The following KDM4C variants were observed in gnomAD, a reference collection of about 807,000 sequenced individuals.
KDM4C encodes the protein lysine demethylase 4C.
A neutral mutation model predicts 129.3 loss-of-function variants in KDM4C; 81 were observed. That is an observed-to-expected ratio of 0.63 (90% CI 0.52 to 0.75). The LOEUF (loss-of-function observed/expected upper bound fraction) is 0.75. Among genes scored for constraint, KDM4C ranks in the 30% least tolerant of loss-of-function variants. The pLI is 0.00. For missense variants in KDM4C, 1,457 were observed against 1,304.0 expected (o/e 1.12, Z -1.81); for synonymous variants, 573 against 456.1 (o/e 1.26, Z -3.26).
At position 6,793,856 on chromosome 9, in the gene KDM4C, A is replaced by G. The variant is rs545591976; in HGVS notation, c.144+724A>G. Reference sequence around the variant, plus strand: ...CTGTGCCCGGCCTCTTTTTTTTTATATAACACTTATTGATATATTTTATCA... The same window carrying G: ...CTGTGCCCGGCCTCTTTTTTTTTATGTAACACTTATTGATATATTTTATCA... On this transcript the variant is annotated intron_variant, in intron 2 of 21. Coordinates refer to ENST00000381309, the MANE Select transcript of KDM4C (RefSeq NM_015061.6). 1.7e-3 allele frequency among the ~76,000 whole-genome samples: 254 copies of G among 152,042 alleles called. 2 individuals carry two copies. Among genetic ancestry groups the G allele is most frequent in the African/African-American group, 5.2e-3 (216 of 41,472 alleles).
At chr9:7,075,733 C>T (rs968876689) in intron 17 of KDM4C, among the ~76,000 whole-genome samples, 1 of 152,070 alleles carries the variant, frequency 6.6e-6, no homozygotes, top group Non-Finnish European at 1.5e-5. Flanking sequence ...AGCAACACTG[C>T]TTATCAGGAA....
chr9:7,168,183 C>T (rs916475035), intron 20 of KDM4C, among the ~76,000 whole-genome samples: 3 of 151,842 alleles, frequency 2.0e-5, no homozygotes, highest in South Asian at 2.1e-4. Context: ...AGCGAAACTC[C>T]GTCTCAAGAG....
Position 6,991,023 on chromosome 9 carries a change from C to T in KDM4C, c.1786+499C>T, listed in dbSNP as rs950635876. Among the ~76,000 whole-genome samples, 6 of 152,076 alleles carry T rather than the reference C, an allele frequency of 3.9e-5. No homozygotes were observed. In the South Asian group the frequency reaches 6.2e-4, roughly 16 times the overall value. ...ATCGCTGTGATGCAGCTGGATGTAA[C>T]GCAGTTTCATTTACAATCATTTACC... is the stretch of plus-strand genomic sequence containing the variant. On this transcript the variant is annotated intron_variant, in intron 12 of 21. Transcript: ENST00000381309.
rs191402295 is a variant in KDM4C, at chr9:6,950,473, A to G, written c.922-30452A>G. Among the ~76,000 whole-genome samples, 4 of 152,242 alleles carry G rather than the reference A, an allele frequency of 2.6e-5. No individual in the cohort carries two copies. In the East Asian group the frequency reaches 7.7e-4, roughly 29 times the overall value. ...AGATTTTAGAGTGTTGATAGATTTG[A>G]GGGGAAGTATTTATGTGAAAACCTG... On this transcript the variant is annotated intron_variant, in intron 8 of 21. Coordinates refer to ENST00000381309, the MANE Select transcript of KDM4C (RefSeq NM_015061.6).
intron 4 of KDM4C, among the ~76,000 whole-genome samples, chr9:6,847,988 G>T (rs1265343186): frequency 6.6e-6 from 1 of 152,220 alleles, no homozygotes; most frequent in Non-Finnish European, 1.5e-5. Flanking sequence ...AGAAGTGGTT[G>T]TATGTGAAGC....
At chr9:6,726,564 C>T (rs1298665212) in intron 1 of KDM4C, 1 of 152,388 alleles carries the variant, frequency 6.6e-6, no homozygotes, top group Non-Finnish European at 1.5e-5. Context: ...CCTTCCTCCG[C>T]TTCTCTTTGG....
chr9:6,904,585 C>T (rs1281970591), intron 8 of KDM4C, among the ~76,000 whole-genome samples: 2 of 152,082 alleles, frequency 1.3e-5, no homozygotes, highest in Non-Finnish European at 2.9e-5. Context: ...CGGGTCCAGT[C>T]TTGTCTTTGT....
At chr9:7,140,811 A>G (rs1247278546) in intron 19 of KDM4C, among the ~76,000 whole-genome samples, 5 of 152,266 alleles carry the variant, frequency 3.3e-5, no homozygotes, top group Admixed American at 3.3e-4. Flanking sequence ...CGCAGCATGT[A>G]TAAAAGATGT....
intron 8 of KDM4C, among the ~76,000 whole-genome samples, chr9:6,927,124 TATC>T (rs1822761844): frequency 6.6e-6 from 1 of 151,736 alleles, no homozygotes; most frequent in Admixed American, 6.6e-5. Flanking sequence ...TCTATCTATC[TATC>T]TATCTATCTA....
intron 1 of KDM4C, among the ~76,000 whole-genome samples, chr9:6,763,113 A>G (rs988955997): frequency 2.7e-5 from 4 of 150,712 alleles, no homozygotes; most frequent in African/African-American, 4.8e-5. Context: ...TCCTTTTCCC[A>G]TACTAACAGT....
intron 19 of KDM4C, among the ~76,000 whole-genome samples, 159 bp downstream of exon 19, chr9:7,128,395 T>C (rs980564573): frequency 6.6e-6 from 1 of 151,844 alleles, no homozygotes; most frequent in African/African-American, 2.4e-5. Context: ...GAACTTAGAC[T>C]GATCTTCCCA....
intron 12 of KDM4C, among the ~76,000 whole-genome samples, chr9:7,000,982 A>G (rs375770216): frequency 1.5e-4 from 23 of 152,230 alleles, no homozygotes; most frequent in African/African-American, 4.1e-4. Context: ...GGCTGGCAAC[A>G]TTCTACAGGT....
At chr9:7,103,058 A>G (rs1386127131) in intron 17 of KDM4C, among the ~76,000 whole-genome samples, 3 of 152,198 alleles carry the variant, frequency 2.0e-5, no homozygotes, top group Non-Finnish European at 4.4e-5. Context: ...ATTCAACCAA[A>G]TTATGCCCTT....
At chr9:6,734,156 A>T (rs1817445179) in intron 1 of KDM4C, among the ~76,000 whole-genome samples, 1 of 152,130 alleles carries the variant, frequency 6.6e-6, no homozygotes, top group Admixed American at 6.6e-5. Context: ...TGACACACAC[A>T]ACTTAACAAG....
chr9:6,729,791 C>G (rs765733036), intron 1 of KDM4C, among the ~76,000 whole-genome samples: 3 of 134,068 alleles, frequency 2.2e-5, no homozygotes, highest in Non-Finnish European at 4.6e-5. Flanking sequence ...GGCCTAAATA[C>G]TGACGAGATA....
chr9:6,987,764 C>T (rs1041460848), intron 11 of KDM4C, among the ~76,000 whole-genome samples: 1 of 151,994 alleles, frequency 6.6e-6, no homozygotes, highest in African/African-American at 2.4e-5. Context: ...GAATTATAAA[C>T]ACATCAAAAA....
upstream of KDM4C, among the ~76,000 whole-genome samples, chr9:6,757,240 G>T (rs963196960): frequency 1.3e-5 from 2 of 151,744 alleles, no homozygotes; most frequent in Non-Finnish European, 2.9e-5. Context: ...TTCAGTTCTG[G>T]CCAAACTGTT....
At chr9:7,048,422 T>C (rs2132544066) in intron 16 of KDM4C, among the ~76,000 whole-genome samples, 1 of 152,164 alleles carries the variant, frequency 6.6e-6, no homozygotes, top group Non-Finnish European at 1.5e-5. Context: ...ACCTCATGAT[T>C]CTTTATATTT....
At position 6,849,266 on chromosome 9, in the gene KDM4C, T is replaced by C. The variant is rs545277948; in HGVS notation, c.436-241T>C. 2.6e-5 allele frequency among the ~76,000 whole-genome samples: 4 copies of C among 152,378 alleles called. No homozygotes were observed. In the East Asian group the frequency reaches 7.7e-4, roughly 29 times the overall value. ...ATTTCCATTTGGCATCAGGAAGCTA[T>C]TTGGTATAAATTTCTACCAGATAGT... On this transcript the variant is annotated intron_variant, in intron 4 of 21. Transcript: ENST00000381309.
Sources: gnomAD v4.1 joint callset for allele counts (sites outside exome capture counted in the v4.1 genomes callset) on GRCh38, gnomAD v4.1.1 for gene constraint, MANE v1.5 for transcripts, NCBI Gene and HGNC (gene_info 2026-07-23, HGNC 2026-07-21) for gene names.